Variants in ROCK2 observed in about 807,000 individuals in gnomAD.
ROCK2 encodes the protein Rho associated coiled-coil containing protein kinase 2, also known as rho-associated protein kinase 2.
Under a neutral mutation model 195.1 loss-of-function variants are expected in ROCK2, and 61 were observed. The ratio of observed to expected loss-of-function variants is 0.31; its 90% CI spans 0.25 to 0.39. The LOEUF (loss-of-function observed/expected upper bound fraction) is 0.39. ROCK2 is among the 10% of genes least tolerant of loss of function. The pLI is 1.00. For synonymous variants in ROCK2, 504 were observed against 545.5 expected, an observed-to-expected ratio of 0.92 and a Z score of 1.06; for missense variants, 1,109 against 1,637.4, an observed-to-expected ratio of 0.68 and a Z score of 5.57.
intron 1 of ROCK2, among the ~76,000 whole-genome samples, chr2:11,317,576 TTATATATATATATATA>T (rs1156983946): frequency 6.8e-5 from 2 of 29,586 alleles, no homozygotes; most frequent in African/African-American, 1.6e-4. Flanking sequence ...ATCTACACAT[TTATATATATATATATA>T]TATATATATA....
At chr2:11,278,413 C>T (rs1251255864) in intron 3 of ROCK2, among the ~76,000 whole-genome samples, 2 of 152,200 alleles carry the variant, frequency 1.3e-5, no homozygotes, top group East Asian at 1.9e-4. Flanking sequence ...TTTTGTAAGG[C>T]TAAATAGTAT....
chr2:11,257,993 T>C (rs1666094489), intron 3 of ROCK2, among the ~76,000 whole-genome samples: 1 of 151,510 alleles, frequency 6.6e-6, no homozygotes, highest in Admixed American at 6.5e-5. Flanking sequence ...CAGATGTTAT[T>C]TACAGAAAGT....
intron 5 of ROCK2, among the ~76,000 whole-genome samples, chr2:11,230,030 CAT>C (rs914826989): frequency 9.9e-5 from 15 of 152,086 alleles, no homozygotes; most frequent in Non-Finnish European, 1.8e-4. Context: ...TATATACAGA[CAT>C]ATTCAGAATT....
intron 18 of ROCK2, among the ~76,000 whole-genome samples, chr2:11,208,716 A>T (rs1332197430): frequency 6.6e-6 from 1 of 150,412 alleles, no homozygotes; most frequent in African/African-American, 2.4e-5. Context: ...CTCGGCCTCC[A>T]GACATAACTC....
Position 11,207,841 on chromosome 2 carries a change from T to C in ROCK2, c.2434A>G (p.Met812Val). ...AGTGTGTTAACCTGTTGTGTTTGCA[T>C]CTTCAGGTCATTTTGTGTAAGGCAG... ...KRCLTQNDLKMQTQQVNTLKM... is the reference protein window; with the variant it reads ...KRCLTQNDLKVQTQQVNTLKM... The change falls in exon 20 of 33, where the codon ATG (methionine) becomes GTG (valine). Residue 812 changes from methionine to valine, a missense_variant. By Grantham distance (21) the Met-to-Val change is conservative. Coordinates refer to ENST00000315872, the MANE Select transcript of ROCK2 (RefSeq NM_004850.5). The C allele has an allele frequency of 1.2e-6, 2 of 1,610,666 alleles. No individual in the cohort carries two copies. Among genetic ancestry groups the C allele is most frequent in the Non-Finnish European group, 1.7e-6 (2 of 1,177,748 alleles).
intron 16 of ROCK2, 27 bp from the exon 17 acceptor site, chr2:11,214,490 C>G: frequency 7.8e-7 from 1 of 1,284,598 alleles, no homozygotes; most frequent in East Asian, 2.3e-5. Flanking sequence ...TTTTTTAAAA[C>G]ATTAAACCCA....
intron 15 of ROCK2, 48 bp downstream of exon 15, chr2:11,215,273 C>T (rs760423536): frequency 2.7e-5 from 39 of 1,456,664 alleles, no homozygotes; most frequent in East Asian, 4.6e-5. Flanking sequence ...AATGTTATCG[C>T]GTTAAAAATA....
In ROCK2 at chr2:11,195,659, C is replaced by G. The variant is rs1027934019; in HGVS notation, c.3449-634G>C. ...CTTCCCAGGTAGCTGGGATTACAGG[C>G]ACGCGCCAGCACGCCCAGCTATTTC... On this transcript the variant is annotated intron_variant, in intron 27 of 32. Transcript: ENST00000315872. Among the ~76,000 whole-genome samples, 3 of 152,052 alleles carry G rather than the reference C, an allele frequency of 2.0e-5. No individual in the cohort carries two copies. The South Asian group carries it at 6.2e-4, about 32-fold the overall frequency.
chr2:11,271,995 G>T (rs1318905938), intron 3 of ROCK2, among the ~76,000 whole-genome samples: 2 of 150,818 alleles, frequency 1.3e-5, no homozygotes, highest in Non-Finnish European at 3.0e-5. Context: ...ACTCCAGCCT[G>T]GGAGACAGAA....
chr2:11,214,330 T>C (rs1664350080), intron 17 of ROCK2, 27 bp downstream of exon 17: 3 of 1,307,824 alleles, frequency 2.3e-6, no homozygotes, highest in Non-Finnish European at 3.3e-6. Flanking sequence ...TCAATTTTCT[T>C]ATGCAAAAAT....
At chr2:11,196,572 A>G (rs1185543863) in intron 27 of ROCK2, among the ~76,000 whole-genome samples, 1 of 152,248 alleles carries the variant, frequency 6.6e-6, no homozygotes, top group Admixed American at 6.5e-5. Flanking sequence ...TGAGTCTACA[A>G]CAACATATTA....
chr2:11,249,511 T>G (rs1432279618), intron 4 of ROCK2, 150 bp downstream of exon 4: 2 of 559,222 alleles, frequency 3.6e-6, no homozygotes, highest in African/African-American at 3.9e-5. Context: ...TTTTGGAACA[T>G]TAAACAAATG....
At position 11,180,903 on chromosome 2, in the gene ROCK2, A is replaced by AT. The variant is rs1025007410; in HGVS notation, c.*2533dup. On this transcript the variant is annotated 3_prime_UTR_variant, in exon 33 of 33. Coordinates refer to ENST00000315872, the MANE Select transcript of ROCK2 (RefSeq NM_004850.5). ...AAGGTCAGAATTTTTTATTAAGCGC[A>AT]TTTTCATTAGTTGGACAAACAACCT... 1.3e-5 allele frequency: 2 copies of AT among 152,176 alleles called. No individual in the cohort carries two copies. Among genetic ancestry groups the AT allele is most frequent in the African/African-American group, 2.4e-5 (1 of 41,452 alleles). 9.4% of individuals were successfully genotyped at this position (152,176 alleles called of 1,614,324 possible). A position where few individuals can be genotyped will look rare whatever the true frequency, so the allele number is the denominator to read the frequency against.
At chr2:11,233,201 A>G (rs1665082280) in intron 5 of ROCK2, among the ~76,000 whole-genome samples, 2 of 152,188 alleles carry the variant, frequency 1.3e-5, no homozygotes, top group African/African-American at 4.8e-5. Flanking sequence ...GCAATAGAGG[A>G]GACCGTGTCT....
intron 5 of ROCK2, chr2:11,234,444 A>C (rs1665132780): frequency 6.6e-6 from 1 of 152,142 alleles, no homozygotes. Context: ...TTCTATTAGG[A>C]AATTATTTCA....
chr2:11,317,612 ATTTTTT>A (rs1553317464), intron 1 of ROCK2, among the ~76,000 whole-genome samples: 4 of 19,312 alleles, frequency 2.1e-4, no homozygotes, highest in African/African-American at 6.4e-4. Flanking sequence ...ATATATATAT[ATTTTTT>A]TTTTTTTTTA....
chr2:11,268,472 G>A (rs1666497908), intron 3 of ROCK2, among the ~76,000 whole-genome samples: 1 of 97,130 alleles, frequency 1.0e-5, no homozygotes, highest in South Asian at 5.0e-4. Context: ...TTTACTGTGT[G>A]TGTGTGTTTT....
intron 32 of ROCK2, chr2:11,184,860 T>C: frequency 6.0e-6 from 4 of 661,808 alleles, no homozygotes; most frequent in East Asian, 1.4e-4. Context: ...TTGAATGTGC[T>C]TGTAAGCATT....
At chr2:11,189,881 C>T (rs1038028881) in intron 32 of ROCK2, among the ~76,000 whole-genome samples, 1 of 151,964 alleles carries the variant, frequency 6.6e-6, no homozygotes, top group African/African-American at 2.4e-5. Flanking sequence ...GTCCCACCTA[C>T]TCTGGGAGGC....
Sources: gnomAD v4.1 joint callset for allele counts (sites outside exome capture counted in the v4.1 genomes callset) on GRCh38, gnomAD v4.1.1 for gene constraint, MANE v1.5 for transcripts, NCBI Gene and HGNC (gene_info 2026-07-23, HGNC 2026-07-21) for gene names.